CHCHD3: variants seen among roughly 807,000 people sequenced by gnomAD.
The protein encoded by CHCHD3 is MICOS complex subunit MIC19.
CHCHD3 carries 20 observed loss-of-function variants against 38.2 expected under a neutral mutation model. That is an observed-to-expected ratio of 0.52 (90% CI 0.37 to 0.76). The LOEUF is 0.76. Among genes scored for constraint, CHCHD3 ranks in the 30% least tolerant of loss-of-function variants. CHCHD3 has a pLI of 0.00. For missense variants in CHCHD3, 245 were observed against 279.2 expected (o/e 0.88, Z 0.87); for synonymous variants, 82 against 100.0 (o/e 0.82, Z 1.07).
chr7:132,836,886 C>T (rs1390307387), intron 6 of CHCHD3, among the ~76,000 whole-genome samples: 1 of 152,194 alleles, frequency 6.6e-6, no homozygotes, highest in Non-Finnish European at 1.5e-5. Context: ...TCTGGTCAAA[C>T]ATCTTCCCAT....
chr7:133,001,920 T>G lies in CHCHD3; in HGVS notation c.251+22626A>C, dbSNP rs187336197. On this transcript the variant is annotated intron_variant, in intron 3 of 7. Coordinates refer to ENST00000262570, the MANE Select transcript of CHCHD3 (RefSeq NM_017812.4). ...TAAGAACTGTACCTGGAATGAACCA[T>G]CTGATCCTCAAAACAACGCTGAAGG... Among the ~76,000 whole-genome samples, 494 of 152,324 alleles carry G rather than the reference T, an allele frequency of 3.2e-3. 3 individuals are homozygous for G. The South Asian group carries it at 0.038, about 12-fold the overall frequency.
chr7:133,011,179 G>A (rs1562937116), intron 3 of CHCHD3, among the ~76,000 whole-genome samples: 1 of 152,318 alleles, frequency 6.6e-6, no homozygotes, highest in East Asian at 1.9e-4. Context: ...GGAGATCCAA[G>A]TATCAGAGGG....
At chr7:133,045,359 C>T (rs975832632) in intron 2 of CHCHD3, among the ~76,000 whole-genome samples, 3 of 152,202 alleles carry the variant, frequency 2.0e-5, no homozygotes, top group African/African-American at 7.2e-5. Flanking sequence ...TCAGTGCACT[C>T]TAACATTCTA....
chr7:132,905,605 A>G (rs1487048853), intron 4 of CHCHD3, among the ~76,000 whole-genome samples: 1 of 152,212 alleles, frequency 6.6e-6, no homozygotes, highest in Non-Finnish European at 1.5e-5. Flanking sequence ...TGAGGGGAAA[A>G]AAATGCCTAA....
chr7:133,020,999 G>A (rs940202296), intron 3 of CHCHD3, among the ~76,000 whole-genome samples: 2 of 152,012 alleles, frequency 1.3e-5, no homozygotes, highest in African/African-American at 4.8e-5. Flanking sequence ...GGACTGTCAC[G>A]TGCATTACAG....
intron 3 of CHCHD3, among the ~76,000 whole-genome samples, chr7:132,985,916 ATT>A (rs200873300): frequency 0.43 from 62,784 of 145,958 alleles, 13,509 homozygotes; most frequent in East Asian, 0.53. Flanking sequence ...TCAACAGCTC[ATT>A]GAGAACGGGC....
chr7:132,820,287 A>G (rs1807314007), intron 6 of CHCHD3, among the ~76,000 whole-genome samples: 1 of 152,256 alleles, frequency 6.6e-6, no homozygotes. Flanking sequence ...CATAAAAATA[A>G]GCTTCATTGT....
At chr7:133,043,645 C>CAAAAAAAA (rs765611377) in intron 2 of CHCHD3, among the ~76,000 whole-genome samples, 1 of 99,130 alleles carries the variant, frequency 1.0e-5, no homozygotes. Context: ...GACTCCATCT[C>CAAAAAAAA]AAAAAAAAAA....
intron 3 of CHCHD3, among the ~76,000 whole-genome samples, chr7:132,984,142 C>T (rs1224330936): frequency 3.3e-5 from 5 of 151,788 alleles, no homozygotes; most frequent in South Asian, 2.1e-4. Flanking sequence ...GCTGCCATCT[C>T]GGCTCACTGC....
At chr7:132,848,869 C>T (rs1315017994) in intron 5 of CHCHD3, among the ~76,000 whole-genome samples, 1 of 152,176 alleles carries the variant, frequency 6.6e-6, no homozygotes, top group African/African-American at 2.4e-5. Context: ...GGACTCTCTC[C>T]TTTTATCCCC....
At chr7:132,794,361 G>A (rs1252770130) in intron 7 of CHCHD3, among the ~76,000 whole-genome samples, 1 of 152,044 alleles carries the variant, frequency 6.6e-6, no homozygotes, top group Admixed American at 6.6e-5. Context: ...ACTTCCCTGA[G>A]TTTCAATGCT....
intron 3 of CHCHD3, among the ~76,000 whole-genome samples, chr7:132,978,276 C>T (rs562043649): frequency 1.3e-5 from 2 of 152,098 alleles, no homozygotes; most frequent in African/African-American, 2.4e-5. Context: ...ATGCCATCTC[C>T]ATCATCTTTT....
chr7:132,997,417 A>G (rs1812448295), intron 3 of CHCHD3, among the ~76,000 whole-genome samples: 1 of 152,182 alleles, frequency 6.6e-6, no homozygotes, highest in Non-Finnish European at 1.5e-5. Flanking sequence ...CCTACTTCAG[A>G]TAAAGCTCAT....
chr7:132,897,752 C>G (rs1166005022), intron 4 of CHCHD3, among the ~76,000 whole-genome samples: 2 of 152,240 alleles, frequency 1.3e-5, no homozygotes, highest in South Asian at 2.1e-4. Context: ...TTGCACACTA[C>G]ACTAAAAATA....
At chr7:133,034,584 A>G (rs745320646) in intron 2 of CHCHD3, 3 of 1,421,660 alleles carry the variant, frequency 2.1e-6, no homozygotes, top group African/African-American at 3.1e-5. Flanking sequence ...AGGTGCAGGC[A>G]GCTAGGTGAT....
chr7:132,826,134 T>A (rs1403949030), intron 6 of CHCHD3, among the ~76,000 whole-genome samples: 1 of 152,176 alleles, frequency 6.6e-6, no homozygotes, highest in Admixed American at 6.5e-5. Context: ...AGAGTCTGCA[T>A]AGATGGCTCT....
At chr7:133,060,837 G>A (rs964194315) in intron 2 of CHCHD3, among the ~76,000 whole-genome samples, 1 of 152,210 alleles carries the variant, frequency 6.6e-6, no homozygotes, top group Non-Finnish European at 1.5e-5. Flanking sequence ...TTGAACCTGG[G>A]AGGTGGAGGT....
intron 6 of CHCHD3, among the ~76,000 whole-genome samples, chr7:132,806,922 T>G (rs1276700423): frequency 6.6e-6 from 1 of 152,170 alleles, no homozygotes; most frequent in Non-Finnish European, 1.5e-5. Flanking sequence ...GCATGGTCCT[T>G]GCAGACCTGG....
At chr7:132,846,776 G>A (rs1290218052) in intron 5 of CHCHD3, among the ~76,000 whole-genome samples, 2 of 152,118 alleles carry the variant, frequency 1.3e-5, no homozygotes, top group Non-Finnish European at 2.9e-5. Flanking sequence ...TAAAGTAAAT[G>A]AAATAATGTT....
Sources: gnomAD v4.1 joint callset for allele counts (sites outside exome capture counted in the v4.1 genomes callset) on GRCh38, gnomAD v4.1.1 for gene constraint, MANE v1.5 for transcripts, NCBI Gene and HGNC (gene_info 2026-07-23, HGNC 2026-07-21) for gene names.